The following VWC2L variants were observed in gnomAD, a reference collection of about 807,000 sequenced individuals.
VWC2L encodes the protein von Willebrand factor C domain-containing protein 2-like.
A neutral mutation model predicts 21.6 loss-of-function variants in VWC2L; 10 were observed. That is an observed-to-expected ratio of 0.46 (90% confidence interval 0.29 to 0.78). VWC2L has a LOEUF of 0.78. VWC2L is among the 30% of genes least tolerant of loss of function. The pLI, the probability that VWC2L is intolerant of heterozygous loss-of-function variation, is 0.10. For synonymous variants in VWC2L, 96 were observed against 94.3 expected, an observed-to-expected ratio of 1.02 and a Z score of -0.10; for missense variants, 209 against 277.1, an observed-to-expected ratio of 0.75 and a Z score of 1.74.
At chr2:214,444,810 G>T (rs1702815089) in intron 3 of VWC2L, among the ~76,000 whole-genome samples, 1 of 151,828 alleles carries the variant, frequency 6.6e-6, no homozygotes, top group East Asian at 1.9e-4. Context: ...TTCATTTTTT[G>T]AAAGTGAAGT....
At chr2:214,508,363 A>ATTCTCT (rs1415360425) in intron 3 of VWC2L, among the ~76,000 whole-genome samples, 1 of 152,198 alleles carries the variant, frequency 6.6e-6, no homozygotes, top group East Asian at 1.9e-4. Context: ...TGGTAAGATG[A>ATTCTCT]AGATGCTACT....
intron 3 of VWC2L, among the ~76,000 whole-genome samples, chr2:214,457,964 G>T (rs1273064716): frequency 1.3e-5 from 2 of 152,016 alleles, no homozygotes; most frequent in Non-Finnish European, 2.9e-5. Context: ...TTGGTATCAG[G>T]GTGATGCTGG....
intron 3 of VWC2L, among the ~76,000 whole-genome samples, chr2:214,472,958 A>G (rs1170363956): frequency 6.6e-6 from 1 of 152,184 alleles, no homozygotes; most frequent in African/African-American, 2.4e-5. Flanking sequence ...CCATTTTTGA[A>G]TGATAAAGCC....
intron 2 of VWC2L, among the ~76,000 whole-genome samples, chr2:214,430,951 A>T (rs1702592907): frequency 6.6e-6 from 1 of 152,186 alleles, no homozygotes; most frequent in Non-Finnish European, 1.5e-5. Context: ...GCTCCAATCA[A>T]TAGAGCAGAT....
At chr2:214,532,202 A>C (rs538249184) in intron 3 of VWC2L, among the ~76,000 whole-genome samples, 78 of 152,264 alleles carry the variant, frequency 5.1e-4, no homozygotes, top group Non-Finnish European at 7.9e-4. Flanking sequence ...CCTAATACAT[A>C]TTAATAGTAG....
chr2:214,476,903 C>CT (rs950493854), intron 3 of VWC2L, among the ~76,000 whole-genome samples: 2 of 152,140 alleles, frequency 1.3e-5, no homozygotes, highest in African/African-American at 4.8e-5. Flanking sequence ...TGCGGTGTAG[C>CT]TGATGCTGAG....
At chr2:214,517,377 G>C (rs1689160285) in intron 3 of VWC2L, among the ~76,000 whole-genome samples, 1 of 152,158 alleles carries the variant, frequency 6.6e-6, no homozygotes, top group Admixed American at 6.5e-5. Context: ...CAGGTAAGAT[G>C]CACAGAAAAT....
At chr2:214,422,392 C>T (rs1486614756) in intron 2 of VWC2L, among the ~76,000 whole-genome samples, 3 of 151,626 alleles carry the variant, frequency 2.0e-5, no homozygotes, top group Non-Finnish European at 2.9e-5. Context: ...TCTTTTTGTT[C>T]CTTCTTCTTA....
At chr2:214,525,072 CACACACAT>C (rs751709140) in intron 3 of VWC2L, 5,045 of 125,576 alleles carry the variant, frequency 0.04, 118 homozygotes, top group Admixed American at 0.1. Context: ...CACACACACA[CACACACAT>C]ACACTTTTAA....
intron 3 of VWC2L, among the ~76,000 whole-genome samples, chr2:214,568,736 T>C (rs1690105831): frequency 1.3e-5 from 2 of 152,194 alleles, no homozygotes; most frequent in South Asian, 4.1e-4. Context: ...GCCTCCAGGC[T>C]TGGTTGTCTT....
intron 3 of VWC2L, among the ~76,000 whole-genome samples, chr2:214,489,115 G>C (rs1688712459): frequency 6.6e-6 from 1 of 152,120 alleles, no homozygotes; most frequent in African/African-American, 2.4e-5. Flanking sequence ...ATTAACCAGA[G>C]GCCTGTTTTG....
chr2:214,436,859 T>C, intron 3 of VWC2L, 101 bp downstream of exon 3: 1 of 1,415,692 alleles, frequency 7.1e-7, no homozygotes, highest in Non-Finnish European at 9.7e-7. Context: ...AAGATCTGCC[T>C]GTGGCTTTTC....
chr2:214,529,925 T>A (rs181877782), intron 3 of VWC2L, among the ~76,000 whole-genome samples: 53 of 152,266 alleles, frequency 3.5e-4, no homozygotes, highest in African/African-American at 1.3e-3. Context: ...TCCAGAAGCC[T>A]CCATCACTAA....
intron 3 of VWC2L, among the ~76,000 whole-genome samples, chr2:214,473,939 A>C (rs1703346681): frequency 6.6e-6 from 1 of 152,180 alleles, no homozygotes; most frequent in Non-Finnish European, 1.5e-5. Flanking sequence ...TCATTAGCAC[A>C]TGTGTTAAGT....
intron 3 of VWC2L, among the ~76,000 whole-genome samples, chr2:214,488,909 C>T (rs1422266883): frequency 1.3e-5 from 2 of 152,152 alleles, no homozygotes; most frequent in African/African-American, 2.4e-5. Context: ...CTGCCACCCT[C>T]GGGGAGCATC....
At chr2:214,450,224 C>G (rs568433419) in intron 3 of VWC2L, among the ~76,000 whole-genome samples, 1 of 151,984 alleles carries the variant, frequency 6.6e-6, no homozygotes, top group Non-Finnish European at 1.5e-5. Context: ...CAAGCCAGAA[C>G]TCCTGCAGGC....
At chr2:214,545,861 C>A (rs1689697886) in intron 3 of VWC2L, among the ~76,000 whole-genome samples, 1 of 152,168 alleles carries the variant, frequency 6.6e-6, no homozygotes, top group African/African-American at 2.4e-5. Flanking sequence ...ACGGATCTTT[C>A]TCACTCCCAC....
chr2:214,520,797 C>A (rs772399208), intron 3 of VWC2L, among the ~76,000 whole-genome samples: 6 of 152,078 alleles, frequency 3.9e-5, no homozygotes, highest in Middle Eastern at 3.4e-3. Context: ...CAATGTAGAA[C>A]TATGGCCAGA....
chr2:214,518,082 C>T (rs1229964567), intron 3 of VWC2L, among the ~76,000 whole-genome samples: 2 of 151,894 alleles, frequency 1.3e-5, no homozygotes, highest in Admixed American at 6.6e-5. Flanking sequence ...AGGAGAATGG[C>T]GTGAACTCAG....
Sources: gnomAD v4.1 joint callset for allele counts (sites outside exome capture counted in the v4.1 genomes callset) on GRCh38, gnomAD v4.1.1 for gene constraint, MANE v1.5 for transcripts, NCBI Gene and HGNC (gene_info 2026-07-23, HGNC 2026-07-21) for gene names.